The following EYS variants were observed in gnomAD, a reference collection of about 807,000 sequenced individuals.
The protein encoded by EYS is EGF-like photoreceptor maintenance factor, also known as protein eyes shut homolog.
A neutral mutation model predicts 282.1 loss-of-function variants in EYS; 250 were observed. The ratio of observed to expected loss-of-function variants is 0.89; its 90% CI spans 0.80 to 0.98. The LOEUF (loss-of-function observed/expected upper bound fraction) is 0.98, where lower values mean the gene tolerates loss of function less well. Among genes scored for constraint, EYS ranks in the 50% least tolerant of loss-of-function variants. EYS has a pLI of 0.00. For missense variants in EYS, 4,016 were observed against 3,709.0 expected (o/e 1.08, Z -2.15); for synonymous variants, 1,355 against 1,282.9 (o/e 1.06, Z -1.20).
intron 22 of EYS, among the ~76,000 whole-genome samples, chr6:64,786,447 C>A (rs1156460823): frequency 1.3e-5 from 2 of 152,068 alleles, no homozygotes; most frequent in Non-Finnish European, 2.9e-5. Context: ...AAAAAGCTGG[C>A]TCTCCCACCC....
At chr6:64,129,061 C>T (rs527859581) in intron 31 of EYS, among the ~76,000 whole-genome samples, 1 of 152,300 alleles carries the variant, frequency 6.6e-6, no homozygotes, top group South Asian at 2.1e-4. Context: ...TGTTAAAACA[C>T]AGCCACACCC....
At chr6:64,437,786 G>A (rs1229449235) in intron 27 of EYS, among the ~76,000 whole-genome samples, 1 of 150,098 alleles carries the variant, frequency 6.7e-6, no homozygotes, top group East Asian at 1.9e-4. Context: ...GGAGTGCCAT[G>A]GTGCTATATA....
chr6:65,663,094 C>T (rs1159373612), intron 1 of EYS, among the ~76,000 whole-genome samples: 3 of 152,140 alleles, frequency 2.0e-5, no homozygotes, highest in Admixed American at 6.5e-5. Context: ...CTTGAAGCAG[C>T]AAAGTAATCA....
At chr6:65,173,374 C>T (rs900686235) in intron 12 of EYS, among the ~76,000 whole-genome samples, 10 of 151,172 alleles carry the variant, frequency 6.6e-5, no homozygotes, top group Admixed American at 6.6e-5. Context: ...ACTAACCTCT[C>T]TAAAATATGA....
chr6:65,318,905 G>GTGC (rs1438216626), intron 11 of EYS, among the ~76,000 whole-genome samples: 1 of 150,694 alleles, frequency 6.6e-6, no homozygotes, highest in African/African-American at 2.4e-5. Flanking sequence ...GCCTGCGAAA[G>GTGC]TGCTGGGATT....
chr6:63,955,630 C>T (rs112604950), intron 35 of EYS, among the ~76,000 whole-genome samples: 2,968 of 152,124 alleles, frequency 0.02, 91 homozygotes, highest in African/African-American at 0.061. Context: ...CCTTGACTTA[C>T]TGCTTAAAAA....
intron 30 of EYS, among the ~76,000 whole-genome samples, chr6:64,288,375 C>T (rs1768575280): frequency 6.6e-6 from 1 of 152,058 alleles, no homozygotes; most frequent in African/African-American, 2.4e-5. Flanking sequence ...TCTGCATTTC[C>T]AAAGTGGAAT....
At chr6:65,250,545 T>C (rs1767294207) in intron 12 of EYS, among the ~76,000 whole-genome samples, 1 of 151,970 alleles carries the variant, frequency 6.6e-6, no homozygotes. Flanking sequence ...TTAATAAAGC[T>C]GACTTCCAAG....
intron 5 of EYS, among the ~76,000 whole-genome samples, chr6:65,488,140 G>GT (rs1303486632): frequency 6.6e-6 from 1 of 151,848 alleles, no homozygotes; most frequent in Non-Finnish European, 1.5e-5. Flanking sequence ...TGGATTCATT[G>GT]ATTTTTTCAA....
intron 30 of EYS, among the ~76,000 whole-genome samples, chr6:64,270,377 G>A (rs1054161259): frequency 4.6e-5 from 7 of 152,020 alleles, no homozygotes; most frequent in South Asian, 2.1e-4. Context: ...GAAGATTGCC[G>A]GGGGTGGGGG....
intron 4 of EYS, among the ~76,000 whole-genome samples, chr6:65,492,894 G>A (rs1417385174): frequency 1.3e-5 from 2 of 151,986 alleles, no homozygotes; most frequent in East Asian, 1.9e-4. Flanking sequence ...GGCTTATTGA[G>A]GTCTTCTATT....
chr6:64,689,635 G>A (rs1257528683), intron 22 of EYS, among the ~76,000 whole-genome samples: 2 of 151,890 alleles, frequency 1.3e-5, no homozygotes, highest in Non-Finnish European at 1.5e-5. Context: ...AGAGATATAG[G>A]GCAATGGAAC....
At chr6:63,891,307 C>T (rs763265365) in intron 35 of EYS, among the ~76,000 whole-genome samples, 1 of 152,152 alleles carries the variant, frequency 6.6e-6, no homozygotes, top group African/African-American at 2.4e-5. Context: ...AGGCCAATAT[C>T]CCTGATGAAC....
At chr6:64,155,680 C>T (rs1342821154) in intron 31 of EYS, among the ~76,000 whole-genome samples, 1 of 152,150 alleles carries the variant, frequency 6.6e-6, no homozygotes, top group Non-Finnish European at 1.5e-5. Flanking sequence ...GTTGAAATGT[C>T]AGGTTCTGGT....
At chr6:64,016,504 TTTTGAGACAGGG>T (rs1768899829) in intron 33 of EYS, among the ~76,000 whole-genome samples, 3 of 151,696 alleles carry the variant, frequency 2.0e-5, no homozygotes, top group African/African-American at 7.3e-5. Flanking sequence ...TTTTTTTTTT[TTTTGAGACAGGG>T]TCTTGCTCCG....
intron 12 of EYS, among the ~76,000 whole-genome samples, chr6:65,205,696 A>G (rs756727140): frequency 9.2e-5 from 14 of 151,930 alleles, no homozygotes; most frequent in Non-Finnish European, 1.8e-4. Context: ...GTATTTTCTC[A>G]GATTAGAGCA....
chr6:63,732,361 A>G (rs752797933), intron 41 of EYS, among the ~76,000 whole-genome samples: 3 of 152,278 alleles, frequency 2.0e-5, no homozygotes, highest in Admixed American at 2.0e-4. Context: ...GTAACAAAGT[A>G]CTGGGGAGGA....
In EYS at chr6:64,945,819, G is replaced by T; in HGVS notation, c.2355C>A (p.Thr785=). 6.5e-7 allele frequency: 1 copy of T among 1,549,890 alleles called. No individual in the cohort carries two copies. The highest frequency in any genetic ancestry group is 1.2e-5 in the South Asian group (1 of 84,008). The part of the protein sequence containing the change: ...CKMNPCKNNS[T]CTDLYKSYRC... ...GATAGCTTTTGTAAAGGTCAGTACA[G>T]GTGGAATTGTTCTTGCAAGGATTCA... The change falls in exon 15 of 43, where the codon ACC becomes ACA. Residue 785 remains threonine (T), a synonymous_variant. Coordinates refer to ENST00000503581, the MANE Select transcript of EYS (RefSeq NM_001142800.2).
intron 8 of EYS, among the ~76,000 whole-genome samples, chr6:65,355,074 G>T (rs1053570527): frequency 3.9e-5 from 6 of 151,942 alleles, no homozygotes; most frequent in African/African-American, 1.5e-4. Context: ...AAAATATGAA[G>T]GCCTAATGAA....
Sources: allele counts gnomAD v4.1 joint callset (sites outside exome capture counted in the v4.1 genomes callset), GRCh38; gene constraint gnomAD v4.1.1; transcripts MANE v1.5; gene names NCBI Gene and HGNC (gene_info 2026-07-23, HGNC 2026-07-21).